Variants in MARF1 observed in about 807,000 individuals in gnomAD.
MARF1 encodes meiosis regulator and mRNA stability factor 1.
MARF1 carries 24 observed loss-of-function variants against 168.2 expected under a neutral mutation model. That is an observed-to-expected ratio of 0.14 (90% CI 0.10 to 0.20). The LOEUF is 0.20. MARF1 is among the 10% of genes least tolerant of loss of function. The pLI is 1.00. For missense variants in MARF1, 1,744 were observed against 2,143.6 expected (o/e 0.81, Z 3.68); for synonymous variants, 868 against 822.4 (o/e 1.06, Z -0.95).
intron 23 of MARF1, chr16:15,600,929 T>C (rs1260675043): frequency 2.9e-6 from 2 of 699,946 alleles, no homozygotes. Flanking sequence ...TGAGACACAG[T>C]TTCAGAAATA....
intron 11 of MARF1, 68 bp from the exon 12 acceptor site, chr16:15,621,979 T>C: frequency 1.4e-6 from 2 of 1,456,776 alleles, no homozygotes; most frequent in Non-Finnish European, 1.9e-6. Flanking sequence ...AAACTGAAGG[T>C]GAACCATGAA....
At chr16:15,635,370 TTAGCCTTTAAACA>T (rs1325063173) in intron 3 of MARF1, 6 of 465,160 alleles carry the variant, frequency 1.3e-5, no homozygotes, top group African/African-American at 2.0e-5. Flanking sequence ...CCATCGTGCT[TTAGCCTTTAAACA>T]TAGAACACGA....
chr16:15,641,857 C>T (rs1188033646), intron 1 of MARF1, among the ~76,000 whole-genome samples: 2 of 152,214 alleles, frequency 1.3e-5, no homozygotes, highest in Non-Finnish European at 2.9e-5. Context: ...CTGAAAACTT[C>T]CCAAATACCA....
rs1440386382 is a variant in MARF1, at chr16:15,615,917, A to C, written c.3166T>G (p.Cys1056Gly). The change falls in exon 16 of 27, where the codon TGT becomes GGT. Residue 1056 changes from cysteine (C) to glycine (G), a missense_variant. By Grantham distance (159) the Cys-to-Gly change is radical. This residue lies in a region of MARF1 where 543 missense variants were observed against 742.1 expected (regional missense o/e 0.73). Transcript: ENST00000396368. ...GTGGCAATGTTTACACCTGGAACAC[A>C]GGTAATGAAGTGTTCTAAGGGAACA... Reference protein sequence around the residue: ...GGVPLEHFITCVPGVNIATAQ... With the variant: ...GGVPLEHFITGVPGVNIATAQ... 1 of 1,602,190 alleles carries C rather than the reference A, an allele frequency of 6.2e-7. No homozygotes were observed. The highest frequency in any genetic ancestry group is 8.5e-7 in the Non-Finnish European group (1 of 1,173,572).
chr16:15,615,449 C>A (rs1006285540), intron 16 of MARF1, among the ~76,000 whole-genome samples: 1 of 151,964 alleles, frequency 6.6e-6, no homozygotes, highest in Non-Finnish European at 1.5e-5. Context: ...TATGGTGAAA[C>A]CCTGTCTCTA....
chr16:15,599,179 AAACC>A, intron 25 of MARF1, 155 bp from the exon 26 acceptor site: 1 of 698,032 alleles, frequency 1.4e-6, no homozygotes. Context: ...AAAAAAACAA[AAACC>A]CAAAACCCAC....
intron 16 of MARF1, among the ~76,000 whole-genome samples, chr16:15,613,557 G>C (rs2033763357): frequency 6.6e-6 from 1 of 151,860 alleles, no homozygotes; most frequent in Non-Finnish European, 1.5e-5. Context: ...AGCTACTCAG[G>C]AGGCTGAGGA....
At chr16:15,630,233 C>A in intron 7 of MARF1, 99 bp downstream of exon 7, 1 of 1,075,788 alleles carries the variant, frequency 9.3e-7, no homozygotes, top group Non-Finnish European at 1.3e-6. Flanking sequence ...TTACAAAGAA[C>A]AGCCCCATCT....
chr16:15,638,215 TAC>T (rs1423455321), intron 2 of MARF1, among the ~76,000 whole-genome samples: 4 of 152,078 alleles, frequency 2.6e-5, no homozygotes, highest in Admixed American at 1.3e-4. Flanking sequence ...AAAATTATAT[TAC>T]AGTCTCACTT....
chr16:15,635,665 A>G lies in MARF1; in HGVS notation c.822T>C (p.Cys274=), dbSNP rs1474234614. The G allele has an allele frequency of 2.4e-5, 39 of 1,613,546 alleles. No individual in the cohort carries two copies. The highest frequency in any genetic ancestry group is 3.2e-5 in the Non-Finnish European group (38 of 1,179,720). ...ATAAAAAGATACGAACCTTGTTTAG[A>G]CAGTCTTCGCAGTAAAGTGAGCCCT... ...CLKGSLYCED[C]LNKPARNSII... Residue 274 remains cysteine (C), a synonymous_variant, in exon 3 of 27, where the codon TGT becomes TGC. Transcript: ENST00000396368.
At chr16:15,642,725 T>C (rs539696583) in intron 1 of MARF1, among the ~76,000 whole-genome samples, 1 of 152,066 alleles carries the variant, frequency 6.6e-6, no homozygotes, top group East Asian at 1.9e-4. Flanking sequence ...AGCTGTGCAC[T>C]TCACTCCTGG....
rs2150991703 is a variant in MARF1, at chr16:15,595,653, A to C, written c.*1040T>G. 1 of 152,368 alleles carries C rather than the reference A, an allele frequency of 6.6e-6. No homozygotes were observed. Among genetic ancestry groups the C allele is most frequent in the East Asian group, 1.9e-4 (1 of 5,184 alleles). The allele number at this position is 152,368 out of a possible 1,614,324, so 9.4% of individuals were successfully genotyped here. A position where few individuals can be genotyped will look rare whatever the true frequency, so the allele number is the denominator to read the frequency against. ...AAAGATGCTGAGCTGACATACACAC[A>C]CATAAAGCTTCCCAGCTACCGATAC... is the stretch of plus-strand genomic sequence containing the variant. On this transcript the variant is annotated 3_prime_UTR_variant, in exon 27 of 27. Coordinates refer to ENST00000396368, the MANE Select transcript of MARF1 (RefSeq NM_014647.4).
intron 16 of MARF1, among the ~76,000 whole-genome samples, chr16:15,615,435 C>A (rs2033966895): frequency 1.3e-5 from 2 of 151,996 alleles, no homozygotes; most frequent in South Asian, 2.1e-4. Flanking sequence ...ACCATCCTGG[C>A]CAATATGGTG....
intron 15 of MARF1, 32 bp from the exon 16 acceptor site, chr16:15,616,037 A>C: frequency 7.0e-7 from 1 of 1,432,800 alleles, no homozygotes; most frequent in Non-Finnish European, 9.2e-7. Flanking sequence ...AAAAAAGGAA[A>C]GGTTAAATCA....
chr16:15,604,200 C>T lies in MARF1; in HGVS notation c.4381G>A (p.Glu1461Lys), dbSNP rs568115023. Residue 1461 changes from glutamate (E) to lysine (K), a missense_variant, in exon 22 of 27, where the codon GAA becomes AAA. This residue lies in a region of MARF1 where 9 missense variants were observed against 27.7 expected (regional missense o/e 0.32). Coordinates refer to ENST00000396368, the MANE Select transcript of MARF1 (RefSeq NM_014647.4). ...PCEYGFMTLT[E>K]LLKSLPYLVE... The stretch of plus-strand genomic sequence containing the variant: ...AAGTATGGCAGGCTCTTCAGCAGTT[C>T]GGTCAAGGTCATGAATCCATATTCA... 16 of 1,613,930 alleles carry T rather than the reference C, an allele frequency of 9.9e-6. No individual in the cohort carries two copies. Among genetic ancestry groups the T allele is most frequent in the Admixed American group, 1.7e-5 (1 of 60,004 alleles).
rs1303572239 is a variant in MARF1, at chr16:15,634,815, T to C, written c.948A>G (p.Thr316=). 1 of 1,614,122 alleles carries C rather than the reference T, an allele frequency of 6.2e-7. No individual in the cohort carries two copies. Among genetic ancestry groups the C allele is most frequent in the Non-Finnish European group, 8.5e-7 (1 of 1,179,976 alleles). Residue 316 remains threonine, a synonymous_variant, in exon 4 of 27, where the codon ACA becomes ACG. Coordinates refer to ENST00000396368, the MANE Select transcript of MARF1 (RefSeq NM_014647.4). ...CCAATAACAACGTGGTCTCCTTCCC[T>C]GTTCCTTTGGTTCCACAGCCATTAC... ...PLCNGCGTKG[T]GKETTLLLAT...
intron 15 of MARF1, 95 bp from the exon 16 acceptor site, chr16:15,616,100 G>T: frequency 1.9e-6 from 2 of 1,048,810 alleles, no homozygotes; most frequent in Non-Finnish European, 2.6e-6. Flanking sequence ...TTTAATGTAT[G>T]TGTTAATCAT....
intron 13 of MARF1, 46 bp from the exon 14 acceptor site, chr16:15,617,581 G>C: frequency 1.5e-6 from 2 of 1,301,938 alleles, no homozygotes; most frequent in South Asian, 1.3e-5. Flanking sequence ...GTTTTTCTTT[G>C]ATTATACAGA....
rs112191730 is a variant in MARF1, at chr16:15,621,108, A to C, written c.2640-577T>G. The stretch of plus-strand genomic sequence containing the variant: ...ATTTTTATTCTGAGAACAACAACAA[A>C]AAAAAAACCCGTAACTCGTAATTTA... On this transcript the variant is annotated intron_variant, in intron 12 of 26. Coordinates refer to ENST00000396368, the MANE Select transcript of MARF1 (RefSeq NM_014647.4). Among the ~76,000 whole-genome samples the C allele has an allele frequency of 2.8e-3, 431 of 152,172 alleles. 1 individual carries two copies. Among genetic ancestry groups the C allele is most frequent in the African/African-American group, 7.5e-3 (312 of 41,508 alleles).
Sources: gnomAD v4.1 joint callset for allele counts (sites outside exome capture counted in the v4.1 genomes callset) on GRCh38, gnomAD v4.1.1 for gene constraint, gnomAD v4.1.1 regional missense constraint, MANE v1.5 for transcripts, NCBI Gene and HGNC (gene_info 2026-07-23, HGNC 2026-07-21) for gene names.